The following PARVG variants were observed in gnomAD, a reference collection of about 807,000 sequenced individuals.
The protein encoded by PARVG is parvin gamma.
Under a neutral mutation model 44.4 loss-of-function variants are expected in PARVG, and 36 were observed. The ratio of observed to expected loss-of-function variants is 0.81; its 90% CI spans 0.62 to 1.07. The LOEUF (loss-of-function observed/expected upper bound fraction) is 1.07, where lower values mean the gene tolerates loss of function less well. Among genes scored for constraint, PARVG ranks in the 50% least tolerant of loss-of-function variants. PARVG has a pLI of 0.00. For synonymous variants in PARVG, 170 were observed against 174.1 expected, an observed-to-expected ratio of 0.98 and a Z score of 0.19; for missense variants, 407 against 407.4, an observed-to-expected ratio of 1.00 and a Z score of 0.01.
chr22:44,188,052 G>A (rs930899810), intron 5 of PARVG, 174 bp downstream of exon 5: 4 of 675,054 alleles, frequency 5.9e-6, no homozygotes, highest in African/African-American at 5.4e-5. Flanking sequence ...GCTGTCCACA[G>A]CCCATGAGTG....
chr22:44,183,992 G>A (rs945747740), intron 3 of PARVG: 5 of 187,386 alleles, frequency 2.7e-5, no homozygotes, highest in East Asian at 2.5e-4. Context: ...GCAATTCAAC[G>A]ACTATAGGTC....
rs1031225880 is a variant in PARVG at position 44,182,902 on chromosome 22, G to C, written c.-12-416G>C. On this transcript the variant is annotated intron_variant, in intron 2 of 13. Transcript: ENST00000444313. The surrounding 1 kb of genome is among the most constrained non-coding windows in gnomAD (Gnocchi z 4.6). ...CACCTCAGCCAGCCCCACACAGGCC[G>C]ACCGGGGAGGTTTCCCTTGAGCTCA... The C allele has an allele frequency of 5.8e-6, 1 of 173,420 alleles. No homozygotes were observed. The highest frequency in any genetic ancestry group is 2.4e-5 in the African/African-American group (1 of 41,934). The allele number at this position is 173,420 out of a possible 1,614,324, so 10.7% of individuals were successfully genotyped here.
chr22:44,197,922 T>C (rs1460503397), intron 11 of PARVG, among the ~76,000 whole-genome samples: 2 of 152,192 alleles, frequency 1.3e-5, no homozygotes, highest in Non-Finnish European at 2.9e-5. Context: ...GGTAAAATAA[T>C]GGGTTTCAGA....
intron 12 of PARVG, among the ~76,000 whole-genome samples, chr22:44,204,208 A>G (rs1052789329): frequency 1.2e-4 from 18 of 152,090 alleles, no homozygotes; most frequent in African/African-American, 3.6e-4. Flanking sequence ...CACCCTGCCC[A>G]TACACTCCTT....
At chr22:44,198,421 A>C (rs981005868) in intron 11 of PARVG, among the ~76,000 whole-genome samples, 200 bp from the exon 12 acceptor site, 2 of 152,230 alleles carry the variant, frequency 1.3e-5, no homozygotes, top group Non-Finnish European at 2.9e-5. Context: ...TTCACTGAGC[A>C]TGTACTATAT....
chr22:44,185,761 C>A, intron 3 of PARVG, 47 bp from the exon 4 acceptor site: 1 of 1,534,498 alleles, frequency 6.5e-7, no homozygotes, highest in South Asian at 1.1e-5. Flanking sequence ...TGTGGCCAAG[C>A]GCCCCACAGG....
chr22:44,190,936 C>G (rs2054539768), intron 7 of PARVG, among the ~76,000 whole-genome samples: 1 of 152,228 alleles, frequency 6.6e-6, no homozygotes, highest in Non-Finnish European at 1.5e-5. Context: ...CAGAGGGCAT[C>G]TGGCTGGCAG....
At chr22:44,178,720 G>T (rs912804291), upstream of PARVG, among the ~76,000 whole-genome samples, 1 of 152,226 alleles carries the variant, frequency 6.6e-6, no homozygotes, top group African/African-American at 2.4e-5. Flanking sequence ...AGATTACAGG[G>T]CTCTAAAGAG....
chr22:44,194,787 A>T (rs1388322426), intron 9 of PARVG, among the ~76,000 whole-genome samples: 5 of 148,594 alleles, frequency 3.4e-5, no homozygotes, highest in African/African-American at 1.3e-4. Flanking sequence ...TCCATCATCT[A>T]TCCATCCATC....
intron 12 of PARVG, among the ~76,000 whole-genome samples, chr22:44,203,587 C>T (rs1290082745): frequency 6.6e-6 from 1 of 152,200 alleles, no homozygotes; most frequent in Non-Finnish European, 1.5e-5. Flanking sequence ...TCTGGAACCT[C>T]AGGTTCCTCA....
chr22:44,198,651 A>T lies in PARVG; in HGVS notation c.742A>T (p.Ile248Phe). ...AGATGGGGTCATCTTACTCTTGCTG[A>T]TTGGACAACTTGAAGGCTTCTTCCT... The part of the protein sequence containing the change: ...FADGVILLLL[I>F]GQLEGFFLHL... Residue 248 changes from isoleucine to phenylalanine, a missense_variant, in exon 12 of 14, where the codon ATT becomes TTT. Coordinates refer to ENST00000444313, the MANE Select transcript of PARVG (RefSeq NM_022141.7). The T allele has an allele frequency of 6.2e-7, 1 of 1,613,872 alleles. No individual in the cohort carries two copies. The highest frequency in any genetic ancestry group is 8.5e-7 in the Non-Finnish European group (1 of 1,179,820).
At position 44,196,371 on chromosome 22, in the gene PARVG, A is replaced by G. The variant is rs575504610; in HGVS notation, c.667A>G (p.Lys223Glu). 6.2e-7 allele frequency: 1 copy of G among 1,614,232 alleles called. No homozygotes were observed. The highest frequency in any genetic ancestry group is 1.1e-5 in the South Asian group (1 of 91,090). The change falls in exon 11 of 14, where the codon AAG (lysine) becomes GAG (glutamate). Residue 223 changes from lysine to glutamate, a missense_variant. By Grantham distance (56) the Lys-to-Glu change is moderately conservative (BLOSUM62 1). Coordinates refer to ENST00000444313, the MANE Select transcript of PARVG (RefSeq NM_022141.7). Reference sequence around the variant, plus strand: ...GGCCATCGTGAACTTTGTCAACCAGAAGCTGGACCGCCTGGGCCTGTCTGT... The same window carrying G: ...GGCCATCGTGAACTTTGTCAACCAGGAGCTGGACCGCCTGGGCCTGTCTGT... ...KEAIVNFVNQKLDRLGLSVQN... is the reference protein window; with the variant it reads ...KEAIVNFVNQELDRLGLSVQN...
At position 44,194,966 on chromosome 22, in the gene PARVG, T is replaced by C. The variant is rs573791674; in HGVS notation, c.583+1143T>C. Among the ~76,000 whole-genome samples, 3 of 152,320 alleles carry C rather than the reference T, an allele frequency of 2.0e-5. No individual in the cohort carries two copies. In the East Asian group the frequency reaches 5.8e-4, roughly 29 times the overall value. On this transcript the variant is annotated intron_variant, in intron 9 of 13. Coordinates refer to ENST00000444313, the MANE Select transcript of PARVG (RefSeq NM_022141.7). ...CCACCTATGTATTCACCCATATCCATCCATCCTAACACTATTTTTCCTCCC... is the reference window on the plus strand; with the variant it reads ...CCACCTATGTATTCACCCATATCCACCCATCCTAACACTATTTTTCCTCCC...
intron 7 of PARVG, among the ~76,000 whole-genome samples, chr22:44,191,272 C>A (rs899011603): frequency 6.6e-6 from 1 of 152,226 alleles, no homozygotes; most frequent in East Asian, 1.9e-4. Context: ...TGACCGCCCC[C>A]ACCCCACCCC....
chr22:44,173,032 G>T (rs551507360), exon 1 of PARVG: 1 of 1,289,778 alleles, frequency 7.8e-7, no homozygotes, highest in East Asian at 5.5e-5. Context: ...AGGTGCCAGG[G>T]CGTTGTGACT....
chr22:44,183,535 C>T (rs1046020475), intron 3 of PARVG, 127 bp downstream of exon 3: 2 of 813,300 alleles, frequency 2.5e-6, no homozygotes, highest in African/African-American at 3.5e-5. Context: ...CTCACCCCTG[C>T]CTCCACCTTC....
chr22:44,186,000 A>G, intron 4 of PARVG, 128 bp downstream of exon 4: 1 of 700,130 alleles, frequency 1.4e-6, no homozygotes, highest in Admixed American at 2.8e-5. Context: ...GCGACCCCCG[A>G]AGACCCCTGG....
intron 8 of PARVG, among the ~76,000 whole-genome samples, chr22:44,193,221 C>CAAAAAA (rs5845641): frequency 6.8e-6 from 1 of 146,464 alleles, no homozygotes; most frequent in Non-Finnish European, 1.5e-5. Flanking sequence ...AAAACGTGAC[C>CAAAAAA]AAAAAAAAAA....
At chr22:44,188,462 C>T (rs2054504570) in intron 5 of PARVG, 1 of 162,218 alleles carries the variant, frequency 6.2e-6, no homozygotes, top group Admixed American at 5.7e-5. Flanking sequence ...TCTCGGAGGC[C>T]ACAGATAGGC....
Sources: allele counts gnomAD v4.1 joint callset (sites outside exome capture counted in the v4.1 genomes callset), GRCh38; gene constraint gnomAD v4.1.1; non-coding constraint Gnocchi (gnomAD v3.1); transcripts MANE v1.5; gene names NCBI Gene and HGNC (gene_info 2026-07-23, HGNC 2026-07-21).